The following KCNH5 variants were observed in gnomAD, a reference collection of about 807,000 sequenced individuals.
The protein encoded by KCNH5 is potassium voltage-gated channel subfamily H member 5, also known as voltage-gated delayed rectifier potassium channel KCNH5.
KCNH5 carries 46 observed loss-of-function variants against 96.1 expected under a neutral mutation model. The ratio of observed to expected loss-of-function variants is 0.48; its 90% CI spans 0.38 to 0.61. The LOEUF (loss-of-function observed/expected upper bound fraction) is 0.61. KCNH5 is among the 20% of genes least tolerant of loss of function. KCNH5 has a pLI of 0.00. For synonymous variants in KCNH5, 439 were observed against 449.8 expected (o/e 0.98, Z 0.30); for missense variants, 907 against 1,225.8 (o/e 0.74, Z 3.88).
rs547935051 is a variant in KCNH5 at position 63,044,132 on chromosome 14, T to A, written c.73+982A>T. On this transcript the variant is annotated intron_variant, in intron 1 of 10. Coordinates refer to ENST00000322893, the MANE Select transcript of KCNH5 (RefSeq NM_139318.5). Reference sequence around the variant, plus strand: ...TTCTCATTATTCTCCAAGCAAGAGATGTCAAAATAACAGCCTCTGAAGGAA... The same window carrying A: ...TTCTCATTATTCTCCAAGCAAGAGAAGTCAAAATAACAGCCTCTGAAGGAA... Among the ~76,000 whole-genome samples the A allele has an allele frequency of 8.5e-5, 13 of 152,320 alleles. No individual in the cohort carries two copies. The South Asian group carries it at 2.7e-3, about 32-fold the overall frequency.
intron 6 of KCNH5, among the ~76,000 whole-genome samples, chr14:62,957,370 G>A (rs764849992): frequency 2.0e-5 from 3 of 152,132 alleles, no homozygotes; most frequent in Admixed American, 6.5e-5. Context: ...CCAAGGACAC[G>A]TTGCAATTAA....
chr14:62,976,700 G>C (rs912657043), intron 6 of KCNH5, among the ~76,000 whole-genome samples: 1 of 152,124 alleles, frequency 6.6e-6, no homozygotes, highest in African/African-American at 2.4e-5. Context: ...ACATGTAAAG[G>C]AACAGAAATC....
intron 9 of KCNH5, among the ~76,000 whole-genome samples, chr14:62,796,112 C>T (rs1410564687): frequency 1.3e-5 from 2 of 152,086 alleles, no homozygotes; most frequent in African/African-American, 2.4e-5. Flanking sequence ...CTCGTAGTTA[C>T]ATTTTATCCT....
At position 62,704,707 on chromosome 14, in the gene KCNH5, A is replaced by AT. The variant is rs1372633681; in HGVS notation, c.*2800dup. 1 of 151,878 alleles carries AT rather than the reference A, an allele frequency of 6.6e-6. No homozygotes were observed. The highest frequency in any genetic ancestry group is 1.5e-5 in the Non-Finnish European group (1 of 67,800). The allele number at this position is 151,878 out of a possible 1,614,324, so 9.4% of individuals were successfully genotyped here. On this transcript the variant is annotated 3_prime_UTR_variant, in exon 11 of 11. Transcript: ENST00000322893. ...TATTATTTAGAAATATAATATTAAA[A>AT]TTTTTATTCTGGATGCACCAAGAGC...
At chr14:62,951,949 C>A (rs1345520887) in intron 6 of KCNH5, among the ~76,000 whole-genome samples, 2 of 111,764 alleles carry the variant, frequency 1.8e-5, no homozygotes, top group East Asian at 2.5e-4. Context: ...GGTAACAGAG[C>A]GAGACTCCGT....
At chr14:63,007,429 T>A (rs1891147400) in intron 2 of KCNH5, among the ~76,000 whole-genome samples, 1 of 152,122 alleles carries the variant, frequency 6.6e-6, no homozygotes, top group Non-Finnish European at 1.5e-5. Context: ...GACTCATAAG[T>A]TTTTTAAGAA....
Position 62,987,101 on chromosome 14 carries a change from C to T in KCNH5, c.520G>A (p.Val174Met), listed in dbSNP as rs146101243. 3.1e-6 allele frequency: 5 copies of T among 1,613,326 alleles called. No homozygotes were observed. Among genetic ancestry groups the T allele is most frequent in the Admixed American group, 3.3e-5 (2 of 59,944 alleles). ...QQLTPMNKTE[V>M]VHKHSRLAEV... ...GCTAGTCTTGAATGTTTATGGACCA[C>T]CTCTGTTTTATTCATTGGCGTGAGC... The change falls in exon 5 of 11, where the codon GTG (valine) becomes ATG (methionine). Residue 174 changes from valine (V) to methionine (M), a missense_variant. This residue lies in a region of KCNH5 where 370 missense variants were observed against 561.3 expected (regional missense o/e 0.66). Coordinates refer to ENST00000322893, the MANE Select transcript of KCNH5 (RefSeq NM_139318.5).
intron 8 of KCNH5, among the ~76,000 whole-genome samples, chr14:62,833,445 C>T (rs1325723478): frequency 6.6e-6 from 1 of 152,014 alleles, no homozygotes; most frequent in Admixed American, 6.6e-5. Flanking sequence ...GATTAGTTGA[C>T]CGTATGTGCA....
chr14:63,016,880 G>A lies in KCNH5; in HGVS notation c.148C>T (p.Leu50Phe), dbSNP rs1891336570. Residue 50 changes from leucine to phenylalanine, a missense_variant, in exon 2 of 11, where the codon CTC (leucine) becomes TTC (phenylalanine). Transcript: ENST00000322893. ...VVYSNDGFCK[L>F]SGYHRADVMQ... is the part of the protein sequence containing the mutation. ...ACGTCAGCTCGATGATATCCAGAGA[G>A]TTTACAAAAACCGTCATTACTATAA... 6.2e-7 allele frequency: 1 copy of A among 1,611,118 alleles called. No homozygotes were observed. Among genetic ancestry groups the A allele is most frequent in the Non-Finnish European group, 8.5e-7 (1 of 1,178,362 alleles).
chr14:62,975,685 C>G (rs1890486459), intron 6 of KCNH5, among the ~76,000 whole-genome samples: 1 of 151,982 alleles, frequency 6.6e-6, no homozygotes, highest in Admixed American at 6.5e-5. Flanking sequence ...AATTCCAAAC[C>G]AGTAGGAGGA....
At chr14:62,748,954 A>G (rs1885438040) in intron 10 of KCNH5, among the ~76,000 whole-genome samples, 1 of 152,200 alleles carries the variant, frequency 6.6e-6, no homozygotes, top group African/African-American at 2.4e-5. Flanking sequence ...CCAAGCCGAT[A>G]TAGGGTCAAC....
intron 6 of KCNH5, among the ~76,000 whole-genome samples, chr14:62,976,457 T>G (rs1890502290): frequency 6.8e-6 from 1 of 147,342 alleles, no homozygotes; most frequent in Admixed American, 6.7e-5. Flanking sequence ...AGTATCTGAA[T>G]AAAAGGAGTT....
At chr14:62,972,620 G>C (rs1282705848) in intron 6 of KCNH5, among the ~76,000 whole-genome samples, 1 of 151,924 alleles carries the variant, frequency 6.6e-6, no homozygotes, top group Non-Finnish European at 1.5e-5. Context: ...TTCTTCAGTA[G>C]GTGAATGAAT....
intron 10 of KCNH5, among the ~76,000 whole-genome samples, chr14:62,754,089 A>G (rs1252373169): frequency 6.6e-6 from 1 of 152,228 alleles, no homozygotes; most frequent in Non-Finnish European, 1.5e-5. Context: ...ACAAAAAGTT[A>G]AAAAGCACAG....
At chr14:62,878,030 T>C (rs1888412172) in intron 7 of KCNH5, among the ~76,000 whole-genome samples, 1 of 151,722 alleles carries the variant, frequency 6.6e-6, no homozygotes, top group African/African-American at 2.4e-5. Context: ...AAATGATGAG[T>C]TCATGTCCTT....
Position 63,016,837 on chromosome 14 carries a change from G to T in KCNH5, c.191C>A (p.Thr64Asn). The stretch of plus-strand genomic sequence containing the variant: ...TAGCTATTCTGTTACCTACCTGCAA[G>T]TGCTGCTTTTCTGCATGACGTCAGC... ...HRADVMQKSS[T>N]CSFMYGELTD... Residue 64 changes from threonine to asparagine, a missense_variant, in exon 2 of 11, where the codon ACT becomes AAT. Physicochemically the swap from Thr to Asn is moderately conservative, Grantham distance 65 (BLOSUM62 0). Around this residue, in one of 6 missense-constraint regions of KCNH5, gnomAD observed 370 missense variants for 561.3 expected, o/e 0.66. Transcript: ENST00000322893. 1.9e-6 allele frequency: 3 copies of T among 1,607,912 alleles called. No individual in the cohort carries two copies. The highest frequency in any genetic ancestry group is 2.5e-6 in the Non-Finnish European group (3 of 1,177,420).
intron 10 of KCNH5, among the ~76,000 whole-genome samples, chr14:62,758,851 G>A (rs1051728866): frequency 1.1e-4 from 16 of 152,142 alleles, no homozygotes; most frequent in Non-Finnish European, 7.4e-5. Flanking sequence ...GATAACAGAG[G>A]GTGTAGGGTG....
chr14:62,721,771 C>T (rs531046700), intron 10 of KCNH5, among the ~76,000 whole-genome samples: 1 of 152,298 alleles, frequency 6.6e-6, no homozygotes, highest in South Asian at 2.1e-4. Flanking sequence ...TAGCCACAAC[C>T]CAAACATTAC....
chr14:62,856,755 C>T (rs1887938024), intron 7 of KCNH5, among the ~76,000 whole-genome samples: 1 of 151,972 alleles, frequency 6.6e-6, no homozygotes, highest in African/African-American at 2.4e-5. Flanking sequence ...CTCTATGCAT[C>T]TGCTACGAGC....
Sources: gnomAD v4.1 joint callset for allele counts (sites outside exome capture counted in the v4.1 genomes callset) on GRCh38, gnomAD v4.1.1 for gene constraint, gnomAD v4.1.1 regional missense constraint, MANE v1.5 for transcripts, NCBI Gene and HGNC (gene_info 2026-07-23, HGNC 2026-07-21) for gene names.